The following ULK4 variants were observed in gnomAD, a reference collection of about 807,000 sequenced individuals.
ULK4 encodes unc-51 like kinase 4.
In ULK4, 133 loss-of-function variants were observed where a neutral mutation model predicts 160.6. The observed-to-expected ratio is 0.83, with a 90% CI of 0.72 to 0.96. The LOEUF (loss-of-function observed/expected upper bound fraction) is 0.96, where lower values mean the gene tolerates loss of function less well. ULK4 is among the 40% of genes least tolerant of loss of function. The pLI, the probability that ULK4 is intolerant of heterozygous loss-of-function variation, is 0.00. For missense variants in ULK4, 1,580 were observed against 1,499.5 expected (o/e 1.05, Z -0.89); for synonymous variants, 534 against 539.8 (o/e 0.99, Z 0.15).
intron 18 of ULK4, among the ~76,000 whole-genome samples, chr3:41,823,590 T>A (rs6808100): frequency 1.3e-5 from 2 of 151,992 alleles, no homozygotes; most frequent in African/African-American, 4.8e-5. Context: ...AACCTTAGGG[T>A]GTTACTAGAG....
chr3:41,400,127 C>T (rs923531461), intron 34 of ULK4, among the ~76,000 whole-genome samples: 3 of 152,104 alleles, frequency 2.0e-5, no homozygotes, highest in Non-Finnish European at 4.4e-5. Flanking sequence ...CCCAGTTTCC[C>T]CAATGGAAGC....
intron 19 of ULK4, among the ~76,000 whole-genome samples, chr3:41,815,693 A>G (rs775061232): frequency 2.0e-5 from 3 of 152,118 alleles, no homozygotes; most frequent in Non-Finnish European, 4.4e-5. Flanking sequence ...CACATCTTTT[A>G]TACTTAGTTG....
At chr3:41,322,591 A>T (rs1223517794) in intron 35 of ULK4, among the ~76,000 whole-genome samples, 2 of 152,218 alleles carry the variant, frequency 1.3e-5, no homozygotes, top group Non-Finnish European at 2.9e-5. Flanking sequence ...CTCACCAGGG[A>T]TCAAGAAGCT....
intron 29 of ULK4, among the ~76,000 whole-genome samples, chr3:41,665,266 C>G (rs1306057894): frequency 6.6e-6 from 1 of 151,830 alleles, no homozygotes; most frequent in Non-Finnish European, 1.5e-5. Context: ...TAAAAAGGAG[C>G]TAAGTAAAGA....
intron 2 of ULK4, among the ~76,000 whole-genome samples, chr3:41,940,600 G>A (rs923326916): frequency 2.0e-5 from 3 of 152,128 alleles, no homozygotes; most frequent in Admixed American, 2.0e-4. Context: ...CAAGGCTGCA[G>A]TGAACTGTGT....
intron 18 of ULK4, among the ~76,000 whole-genome samples, chr3:41,829,563 A>G (rs1382984372): frequency 1.3e-5 from 2 of 152,190 alleles, no homozygotes; most frequent in Non-Finnish European, 2.9e-5. Flanking sequence ...ATCACTGGCC[A>G]TCAGAGAAAT....
intron 22 of ULK4, among the ~76,000 whole-genome samples, chr3:41,736,051 A>G (rs2038034228): frequency 6.6e-6 from 1 of 151,490 alleles, no homozygotes; most frequent in Non-Finnish European, 1.5e-5. Context: ...ATAGTATTCC[A>G]TGGTGTATAT....
At chr3:41,375,338 A>C (rs202205607) in intron 35 of ULK4, among the ~76,000 whole-genome samples, 4,626 of 149,324 alleles carry the variant, frequency 0.031, 203 homozygotes, top group East Asian at 0.15. Flanking sequence ...AATCCTAAGC[A>C]AAAAGAACAA....
chr3:41,458,696 T>C (rs969701173), intron 33 of ULK4, among the ~76,000 whole-genome samples: 2 of 152,160 alleles, frequency 1.3e-5, no homozygotes, highest in African/African-American at 4.8e-5. Flanking sequence ...GTCTGCTAAA[T>C]ATACACAGAA....
At chr3:41,439,867 T>A (rs1559602780) in intron 34 of ULK4, among the ~76,000 whole-genome samples, 1 of 152,182 alleles carries the variant, frequency 6.6e-6, no homozygotes, top group African/African-American at 2.4e-5. Context: ...ACCAGGTATA[T>A]CTCTCCACAT....
At chr3:41,343,158 T>G (rs2080722383) in intron 35 of ULK4, among the ~76,000 whole-genome samples, 1 of 152,114 alleles carries the variant, frequency 6.6e-6, no homozygotes, top group Non-Finnish European at 1.5e-5. Context: ...AAGATAGTAT[T>G]AGAAGTTTTG....
At chr3:41,865,343 T>C (rs1473232275) in intron 17 of ULK4, among the ~76,000 whole-genome samples, 1 of 146,682 alleles carries the variant, frequency 6.8e-6, no homozygotes. Context: ...TGTTCACTTC[T>C]AGTTTTCTAT....
intron 30 of ULK4, among the ~76,000 whole-genome samples, chr3:41,623,114 A>G (rs146627473): frequency 6.6e-6 from 1 of 152,222 alleles, no homozygotes; most frequent in African/African-American, 2.4e-5. Context: ...TAAATTACAG[A>G]GCTTAAGACA....
At chr3:41,868,649 C>G (rs1696985940) in intron 17 of ULK4, among the ~76,000 whole-genome samples, 1 of 141,478 alleles carries the variant, frequency 7.1e-6, no homozygotes, top group Admixed American at 6.8e-5. Context: ...ACCATCATAT[C>G]CACCTAATTT....
chr3:41,350,324 C>T (rs2080884631), intron 35 of ULK4, among the ~76,000 whole-genome samples: 1 of 151,890 alleles, frequency 6.6e-6, no homozygotes, highest in African/African-American at 2.4e-5. Flanking sequence ...TCCAGAAAAA[C>T]ATACACAAAC....
At chr3:41,443,337 T>C (rs2083215703) in intron 34 of ULK4, among the ~76,000 whole-genome samples, 1 of 152,244 alleles carries the variant, frequency 6.6e-6, no homozygotes, top group South Asian at 2.1e-4. Context: ...ATTCCTTCTT[T>C]CACTTATCAA....
chr3:41,530,785 G>C (rs1268847848), intron 32 of ULK4, among the ~76,000 whole-genome samples: 2 of 152,060 alleles, frequency 1.3e-5, no homozygotes, highest in African/African-American at 4.8e-5. Flanking sequence ...TATTTTTGGA[G>C]ACGGAGTCTC....
At chr3:41,650,204 T>C (rs1221465858) in intron 30 of ULK4, among the ~76,000 whole-genome samples, 2 of 152,192 alleles carry the variant, frequency 1.3e-5, no homozygotes, top group Admixed American at 6.5e-5. Flanking sequence ...CAATATACAG[T>C]TGTCCACATT....
intron 30 of ULK4, among the ~76,000 whole-genome samples, chr3:41,620,069 C>A (rs1477150047): frequency 6.6e-6 from 1 of 151,970 alleles, no homozygotes; most frequent in African/African-American, 2.4e-5. Flanking sequence ...CCATGAAGAA[C>A]TCGAATCCCT....
Sources: gnomAD v4.1 joint callset for allele counts (sites outside exome capture counted in the v4.1 genomes callset) on GRCh38, gnomAD v4.1.1 for gene constraint, MANE v1.5 for transcripts, NCBI Gene and HGNC (gene_info 2026-07-23, HGNC 2026-07-21) for gene names.